Variants in ARHGAP32 observed in about 807,000 individuals in gnomAD.
ARHGAP32 encodes the protein rho GTPase-activating protein 32.
A neutral mutation model predicts 186.5 loss-of-function variants in ARHGAP32; 51 were observed. That is an observed-to-expected ratio of 0.27 (90% CI 0.22 to 0.35). ARHGAP32 has a LOEUF of 0.35. Among genes scored for constraint, ARHGAP32 ranks in the 10% least tolerant of loss-of-function variants. The pLI is 1.00. For missense variants in ARHGAP32, 2,186 were observed against 2,623.5 expected (o/e 0.83, Z 3.64); for synonymous variants, 950 against 964.3 (o/e 0.99, Z 0.27).
chr11:129,141,742 T>C (rs1055149932), intron 2 of ARHGAP32, among the ~76,000 whole-genome samples: 6 of 150,524 alleles, frequency 4.0e-5, no homozygotes, highest in African/African-American at 1.5e-4. Context: ...AAAAAGCCTA[T>C]ACCAAAATAA....
chr11:129,248,543 T>A (rs924848930), intron 1 of ARHGAP32, among the ~76,000 whole-genome samples: 1 of 152,222 alleles, frequency 6.6e-6, no homozygotes, highest in East Asian at 1.9e-4. Context: ...CCCAGCCTCC[T>A]TTTACTTAAG....
intron 12 of ARHGAP32, among the ~76,000 whole-genome samples, chr11:128,994,907 T>C (rs1041529672): frequency 4.6e-5 from 7 of 152,288 alleles, no homozygotes; most frequent in African/African-American, 1.7e-4. Context: ...GGTTTCTAGC[T>C]CCTAAAGTTT....
chr11:129,190,166 T>C, intron 1 of ARHGAP32, among the ~76,000 whole-genome samples: 1 of 152,222 alleles, frequency 6.6e-6, no homozygotes, highest in East Asian at 1.9e-4. Flanking sequence ...GTCTACTATT[T>C]GGTCCTCCCA....
At chr11:129,027,756 A>G (rs983956654) in intron 11 of ARHGAP32, among the ~76,000 whole-genome samples, 3 of 152,020 alleles carry the variant, frequency 2.0e-5, no homozygotes, top group Non-Finnish European at 4.4e-5. Context: ...TCTCAGGTTT[A>G]TTTCTCTTCA....
At chr11:129,009,771 G>C (rs1937978295) in intron 11 of ARHGAP32, among the ~76,000 whole-genome samples, 1 of 152,008 alleles carries the variant, frequency 6.6e-6, no homozygotes, top group Admixed American at 6.5e-5. Context: ...TGTCTTTGCT[G>C]TTGTGAACAG....
chr11:128,998,420 T>C lies in ARHGAP32; in HGVS notation c.1094A>G (p.Lys365Arg). 6.3e-7 allele frequency: 1 copy of C among 1,592,092 alleles called. No homozygotes were observed. The highest frequency in any genetic ancestry group is 8.6e-7 in the Non-Finnish European group (1 of 1,167,876). The change falls in exon 12 of 23, where the codon AAG (lysine) becomes AGG (arginine). Residue 365 changes from lysine (K) to arginine (R), a missense_variant. Around this residue, in one of 5 missense-constraint regions of ARHGAP32, gnomAD observed 308 missense variants for 596.5 expected, o/e 0.52. Transcript: ENST00000682385. ...CAGCTTCTGTTTTGTTGGACGAGACTTCATGAATGTTCGTAAGAACGTAAT... is the reference window on the plus strand; with the variant it reads ...CAGCTTCTGTTTTGTTGGACGAGACCTCATGAATGTTCGTAAGAACGTAAT... ...KLITFLRTFM[K>R]SRPTKQKLKQ...
chr11:129,239,151 C>T (rs1944982483), intron 1 of ARHGAP32, among the ~76,000 whole-genome samples: 2 of 152,116 alleles, frequency 1.3e-5, no homozygotes, highest in Admixed American at 6.5e-5. Flanking sequence ...TGCCAGGCCA[C>T]GATAATAATT....
chr11:129,235,054 G>A (rs2135647136), intron 1 of ARHGAP32, among the ~76,000 whole-genome samples: 1 of 152,254 alleles, frequency 6.6e-6, no homozygotes, highest in African/African-American at 2.4e-5. Context: ...TTGCATTTCA[G>A]GTGGGCTCTA....
intron 1 of ARHGAP32, among the ~76,000 whole-genome samples, chr11:129,166,749 G>T (rs1243605071): frequency 6.7e-6 from 1 of 148,848 alleles, no homozygotes. Context: ...ATAGTAAAGA[G>T]AATTCCTAAT....
intron 11 of ARHGAP32, among the ~76,000 whole-genome samples, chr11:129,033,853 C>A (rs183225756): frequency 8.5e-5 from 13 of 152,278 alleles, no homozygotes; most frequent in African/African-American, 3.1e-4. Flanking sequence ...AAACTGCCCT[C>A]CAATGCCACC....
At chr11:129,034,677 A>AG (rs1939250130) in intron 11 of ARHGAP32, among the ~76,000 whole-genome samples, 1 of 151,288 alleles carries the variant, frequency 6.6e-6, no homozygotes, top group Non-Finnish European at 1.5e-5. Flanking sequence ...TAGCAGAGTG[A>AG]GGAATCACTG....
At chr11:129,025,299 G>C (rs1443965479) in intron 11 of ARHGAP32, among the ~76,000 whole-genome samples, 1 of 152,148 alleles carries the variant, frequency 6.6e-6, no homozygotes, top group Non-Finnish European at 1.5e-5. Flanking sequence ...AAAATCTTCT[G>C]CTGTTGATTG....
intron 12 of ARHGAP32, among the ~76,000 whole-genome samples, chr11:128,995,338 C>G (rs1003441900): frequency 2.6e-5 from 4 of 152,146 alleles, no homozygotes; most frequent in African/African-American, 9.7e-5. Flanking sequence ...TCCAAACTAG[C>G]TAGAAGTATG....
chr11:129,243,075 AC>A (rs1474042635), intron 1 of ARHGAP32, among the ~76,000 whole-genome samples: 1 of 152,080 alleles, frequency 6.6e-6, no homozygotes, highest in Non-Finnish European at 1.5e-5. Flanking sequence ...ATTGCCAATT[AC>A]CCCCTACATA....
At chr11:129,105,889 T>C (rs1942034459) in intron 5 of ARHGAP32, among the ~76,000 whole-genome samples, 1 of 151,710 alleles carries the variant, frequency 6.6e-6, no homozygotes, top group Non-Finnish European at 1.5e-5. Flanking sequence ...GACAAAGAAA[T>C]AAGGGAAATC....
intron 1 of ARHGAP32, among the ~76,000 whole-genome samples, chr11:129,252,091 A>G (rs1303420857): frequency 6.6e-6 from 1 of 152,202 alleles, no homozygotes; most frequent in Non-Finnish European, 1.5e-5. Context: ...AAAAGTAGTA[A>G]TATCAATTTA....
chr11:128,981,743 T>C, intron 16 of ARHGAP32, 86 bp downstream of exon 16: 2 of 1,237,444 alleles, frequency 1.6e-6, no homozygotes, highest in East Asian at 2.4e-5. Context: ...GTTTAATCTT[T>C]TAAAAGTTTC....
chr11:129,159,150 A>C (rs924840695), intron 2 of ARHGAP32, among the ~76,000 whole-genome samples: 1 of 152,234 alleles, frequency 6.6e-6, no homozygotes, highest in Non-Finnish European at 1.5e-5. Context: ...AAAGAACTAG[A>C]GAAGCAAGAG....
At chr11:129,032,121 A>C (rs367714118) in intron 11 of ARHGAP32, among the ~76,000 whole-genome samples, 347 of 152,358 alleles carry the variant, frequency 2.3e-3, no homozygotes, top group African/African-American at 8.2e-3. Context: ...AAGGACTTGG[A>C]TACAAGTGCA....
Sources: gnomAD v4.1 joint callset for allele counts (sites outside exome capture counted in the v4.1 genomes callset) on GRCh38, gnomAD v4.1.1 for gene constraint, gnomAD v4.1.1 regional missense constraint, MANE v1.5 for transcripts, NCBI Gene and HGNC (gene_info 2026-07-23, HGNC 2026-07-21) for gene names.